The following NAPEPLD variants were observed in gnomAD, a reference collection of about 807,000 sequenced individuals.
The protein encoded by NAPEPLD is N-acyl phosphatidylethanolamine phospholipase D.
NAPEPLD carries 23 observed loss-of-function variants against 38.1 expected under a neutral mutation model. The observed-to-expected ratio is 0.60, with a 90% CI of 0.43 to 0.86. The LOEUF (loss-of-function observed/expected upper bound fraction) is 0.86. Ranked by LOEUF, NAPEPLD falls within the 40% of genes least tolerant of loss-of-function variation. The probability of loss-of-function intolerance (pLI) is 0.00; values close to 1 mark genes in which losing one functional copy is unlikely to be tolerated. For missense variants in NAPEPLD, 411 were observed against 476.8 expected (o/e 0.86, Z 1.28); for synonymous variants, 147 against 162.0 (o/e 0.91, Z 0.71).
chr7:103,104,622 A>G (rs1272431349), intron 4 of NAPEPLD, among the ~76,000 whole-genome samples: 1 of 152,190 alleles, frequency 6.6e-6, no homozygotes, highest in Non-Finnish European at 1.5e-5. Flanking sequence ...CTGACTACTG[A>G]GTAAGTTTGG....
At chr7:103,107,093 T>C (rs533963351) in intron 4 of NAPEPLD, among the ~76,000 whole-genome samples, 3 of 152,296 alleles carry the variant, frequency 2.0e-5, no homozygotes, top group South Asian at 4.1e-4. Context: ...GCCTCCGATG[T>C]TGATACCCAG....
In NAPEPLD at chr7:103,100,146, AAGGACTCAGT is replaced by A. The variant is rs1802190193; in HGVS notation, c.*3273_*3282del. On this transcript the variant is annotated 3_prime_UTR_variant, in exon 5 of 5. Coordinates refer to ENST00000465647, the MANE Select transcript of NAPEPLD (RefSeq NM_001122838.3). ...GGAAGAAATATTTTTACATTAGAAAAAGGACTCAGTATAAGGTGAAAACAAAATTCCCAGT... is the reference window on the plus strand; with the variant it reads ...GGAAGAAATATTTTTACATTAGAAAAATAAGGTGAAAACAAAATTCCCAGT... 6.6e-6 allele frequency: 1 copy of A among 152,202 alleles called. No individual in the cohort carries two copies. The highest frequency in any genetic ancestry group is 1.9e-4 in the East Asian group (1 of 5,204). The allele number at this position is 152,202 out of a possible 1,614,324, so 9.4% of individuals were successfully genotyped here.
chr7:103,145,887 T>TA (rs61183926), intron 1 of NAPEPLD, among the ~76,000 whole-genome samples: 10 of 148,652 alleles, frequency 6.7e-5, no homozygotes, highest in East Asian at 2.0e-4. Flanking sequence ...GCTTCAAGTT[T>TA]AAAAAAAAAA....
intron 2 of NAPEPLD, among the ~76,000 whole-genome samples, chr7:103,120,455 G>GA (rs1449973093): frequency 6.6e-6 from 1 of 152,046 alleles, no homozygotes; most frequent in Non-Finnish European, 1.5e-5. Flanking sequence ...ATGCAAAAGA[G>GA]AAAATTAAAT....
At chr7:103,137,419 A>T (rs1489800511) in intron 1 of NAPEPLD, among the ~76,000 whole-genome samples, 1 of 152,142 alleles carries the variant, frequency 6.6e-6, no homozygotes, top group African/African-American at 2.4e-5. Context: ...GAATGAAACA[A>T]GAGAAACAGC....
chr7:103,143,296 T>C (rs746940915), intron 1 of NAPEPLD, among the ~76,000 whole-genome samples: 44 of 152,058 alleles, frequency 2.9e-4, no homozygotes, highest in Admixed American at 1.4e-3. Flanking sequence ...AGTTAAATTC[T>C]ATGTGGTAAA....
intron 1 of NAPEPLD, among the ~76,000 whole-genome samples, chr7:103,146,332 G>A (rs564937384): frequency 4.7e-4 from 70 of 150,006 alleles, no homozygotes; most frequent in Non-Finnish European, 6.5e-4. Flanking sequence ...GTGACAGAGC[G>A]AGACTCCGTC....
chr7:103,117,320 C>T (rs1171812956), intron 3 of NAPEPLD, among the ~76,000 whole-genome samples: 1 of 152,218 alleles, frequency 6.6e-6, no homozygotes, highest in African/African-American at 2.4e-5. Context: ...TATCTCCTGA[C>T]TCTTGGGATT....
intron 1 of NAPEPLD, among the ~76,000 whole-genome samples, chr7:103,139,286 G>A (rs1445192073): frequency 2.6e-5 from 4 of 152,190 alleles, no homozygotes; most frequent in Non-Finnish European, 5.9e-5. Context: ...TCCAGTTGCT[G>A]TGGAGAATAT....
At chr7:103,148,474 A>G (rs541508187) in intron 1 of NAPEPLD, among the ~76,000 whole-genome samples, 1 of 134,986 alleles carries the variant, frequency 7.4e-6, no homozygotes, top group South Asian at 2.1e-4. Flanking sequence ...AAAAAGGAAA[A>G]AACAAACAAA....
At position 103,100,674 on chromosome 7, in the gene NAPEPLD, A is replaced by G. The variant is rs1683239315; in HGVS notation, c.*2755T>C. 1 of 152,260 alleles carries G rather than the reference A, an allele frequency of 6.6e-6. No individual in the cohort carries two copies. Among genetic ancestry groups the G allele is most frequent in the South Asian group, 2.1e-4 (1 of 4,838 alleles). The allele number at this position is 152,260 out of a possible 1,614,324, so 9.4% of individuals were successfully genotyped here. On this transcript the variant is annotated 3_prime_UTR_variant, in exon 5 of 5. Transcript: ENST00000465647. ...GAGGAAAATGAAGTTGACTTAGAGGATAAGACTGATTAAAAGACACTACAA... is the reference window on the plus strand; with the variant it reads ...GAGGAAAATGAAGTTGACTTAGAGGGTAAGACTGATTAAAAGACACTACAA...
chr7:103,129,417 C>G, intron 1 of NAPEPLD: 1 of 568,304 alleles, frequency 1.8e-6, no homozygotes, highest in Non-Finnish European at 2.2e-6. Context: ...AATTAAGGCA[C>G]CTTCATAAAT....
chr7:103,126,922 C>A (rs1807944715), intron 2 of NAPEPLD: 1 of 151,608 alleles, frequency 6.6e-6, no homozygotes, highest in Non-Finnish European at 1.5e-5. Context: ...GCTACTGCAC[C>A]TAGCCATGTA....
At chr7:103,145,318 T>C (rs1439627230) in intron 1 of NAPEPLD, among the ~76,000 whole-genome samples, 1 of 152,224 alleles carries the variant, frequency 6.6e-6, no homozygotes, top group African/African-American at 2.4e-5. Context: ...ATATTCAATA[T>C]GTGCATCATC....
At position 103,100,465 on chromosome 7, in the gene NAPEPLD, C is replaced by G. The variant is rs912394152; in HGVS notation, c.*2964G>C. The stretch of plus-strand genomic sequence containing the variant: ...AAAAGAGGGAGTAATTTTTAACTAC[C>G]CAGAAAGAAGATGCACAAATACATC... On this transcript the variant is annotated 3_prime_UTR_variant, in exon 5 of 5. Coordinates refer to ENST00000465647, the MANE Select transcript of NAPEPLD (RefSeq NM_001122838.3). 1 of 152,068 alleles carries G rather than the reference C, an allele frequency of 6.6e-6. No individual in the cohort carries two copies. The highest frequency in any genetic ancestry group is 2.4e-5 in the African/African-American group (1 of 41,408). The allele number at this position is 152,068 out of a possible 1,614,324, so 9.4% of individuals were successfully genotyped here.
At chr7:103,130,191 A>G (rs76950208) in intron 1 of NAPEPLD, among the ~76,000 whole-genome samples, 3,111 of 152,294 alleles carry the variant, frequency 0.02, 99 homozygotes, top group African/African-American at 0.071. Flanking sequence ...TTAAATAGAA[A>G]TACTGCCCCA....
chr7:103,133,539 A>G (rs1346568928), intron 1 of NAPEPLD, among the ~76,000 whole-genome samples: 1 of 152,150 alleles, frequency 6.6e-6, no homozygotes, highest in African/African-American at 2.4e-5. Context: ...GGGTCACACA[A>G]GAACGCTCCT....
intron 1 of NAPEPLD, among the ~76,000 whole-genome samples, chr7:103,143,866 C>T (rs1812001485): frequency 6.6e-6 from 1 of 152,160 alleles, no homozygotes; most frequent in Non-Finnish European, 1.5e-5. Context: ...CTTTCCTAAT[C>T]CATATGTGGG....
intron 2 of NAPEPLD, among the ~76,000 whole-genome samples, chr7:103,121,550 T>A (rs1806702930): frequency 2.0e-5 from 3 of 152,168 alleles, no homozygotes; most frequent in Admixed American, 1.3e-4. Flanking sequence ...GGAAAACTCT[T>A]AAGATTTCAT....
Sources: gnomAD v4.1 joint callset for allele counts (sites outside exome capture counted in the v4.1 genomes callset) on GRCh38, gnomAD v4.1.1 for gene constraint, MANE v1.5 for transcripts, NCBI Gene and HGNC (gene_info 2026-07-23, HGNC 2026-07-21) for gene names.